The following FSTL4 variants were observed in gnomAD, a reference collection of about 807,000 sequenced individuals.
The protein encoded by FSTL4 is follistatin-related protein 4.
FSTL4 carries 28 observed loss-of-function variants against 78.2 expected under a neutral mutation model. The observed-to-expected ratio is 0.36, with a 90% CI of 0.27 to 0.49. FSTL4 has a LOEUF of 0.49. Ranked by LOEUF, FSTL4 falls within the 20% of genes least tolerant of loss-of-function variation. The pLI, the probability that FSTL4 is intolerant of heterozygous loss-of-function variation, is 0.98. For missense variants in FSTL4, 922 were observed against 1,084.9 expected (o/e 0.85, Z 2.11); for synonymous variants, 422 against 440.5 (o/e 0.96, Z 0.53).
chr5:133,661,815 T>C, the FSTL4 span, among the ~76,000 whole-genome samples: 20 of 152,242 alleles, frequency 1.3e-4, no homozygotes, highest in Non-Finnish European at 2.1e-4. Flanking sequence ...ACAGATTCTT[T>C]ACAAACTTCT....
chr5:133,342,610 T>C (rs1201528431), intron 4 of FSTL4, among the ~76,000 whole-genome samples: 1 of 152,164 alleles, frequency 6.6e-6, no homozygotes, highest in Non-Finnish European at 1.5e-5. Flanking sequence ...GGGCCTACTA[T>C]GGACGTCCAG....
At chr5:133,529,628 C>A (rs1309146709) in intron 3 of FSTL4, among the ~76,000 whole-genome samples, 1 of 152,174 alleles carries the variant, frequency 6.6e-6, no homozygotes, top group Non-Finnish European at 1.5e-5. Context: ...TTAGACAACA[C>A]TGCCTCCCTG....
chr5:133,451,223 C>T (rs75453874), intron 3 of FSTL4, among the ~76,000 whole-genome samples: 2,847 of 152,240 alleles, frequency 0.019, 42 homozygotes, highest in Middle Eastern at 0.034. Context: ...GTTTCCCTTC[C>T]AATCAGGAAG....
At chr5:133,234,820 G>A (rs1265854358) in intron 7 of FSTL4, among the ~76,000 whole-genome samples, 3 of 152,202 alleles carry the variant, frequency 2.0e-5, no homozygotes, top group Non-Finnish European at 4.4e-5. Context: ...TGCCTTATGT[G>A]GTGTTGGGAG....
chr5:133,482,661 G>A (rs1021760722), intron 3 of FSTL4, among the ~76,000 whole-genome samples: 1 of 152,228 alleles, frequency 6.6e-6, no homozygotes, highest in African/African-American at 2.4e-5. Flanking sequence ...AGGTGGCAGG[G>A]GCTGTCTCAC....
At chr5:133,794,738 C>T in the FSTL4 span, among the ~76,000 whole-genome samples, 1 of 152,174 alleles carries the variant, frequency 6.6e-6, no homozygotes, top group African/African-American at 2.4e-5. Context: ...CTAATGACTG[C>T]AAGACTCCCA....
At chr5:133,297,216 G>T (rs536934704) in intron 6 of FSTL4, among the ~76,000 whole-genome samples, 1 of 152,278 alleles carries the variant, frequency 6.6e-6, no homozygotes, top group Admixed American at 6.5e-5. Context: ...CGTATTAATT[G>T]GTTATTACAA....
At chr5:133,725,854 T>G in the FSTL4 span, among the ~76,000 whole-genome samples, 3 of 152,184 alleles carry the variant, frequency 2.0e-5, no homozygotes. Flanking sequence ...TTGTTGAAAC[T>G]AGGGACTCAG....
At chr5:133,453,153 T>C (rs1757415741) in intron 3 of FSTL4, among the ~76,000 whole-genome samples, 1 of 152,184 alleles carries the variant, frequency 6.6e-6, no homozygotes, top group Non-Finnish European at 1.5e-5. Context: ...ATGTCACTCT[T>C]CTTCTACATC....
chr5:133,835,775 A>G, the FSTL4 span, among the ~76,000 whole-genome samples: 1 of 152,254 alleles, frequency 6.6e-6, no homozygotes, highest in Admixed American at 6.5e-5. Flanking sequence ...TGGGAGAAAA[A>G]GTTGGGAAAA....
chr5:133,199,711 T>C lies in FSTL4; in HGVS notation c.1913A>G (p.His638Arg). ...GGCCTGGGGCACGCAGCCATGGTGG[T>C]GCAGGCCGATGGTCTTGAGGGGCAT... ...TMMPLKTIGLHHHGCVPQAMA... is the reference protein window; with the variant it reads ...TMMPLKTIGLRHHGCVPQAMA... Residue 638 changes from histidine to arginine, a missense_variant, in exon 16 of 16, where the codon CAC (histidine) becomes CGC (arginine). Transcript: ENST00000265342. This position sits in a 1 kb window ranked among gnomAD's most constrained non-coding sequence, Gnocchi z 4.4. 1 of 1,612,686 alleles carries C rather than the reference T, an allele frequency of 6.2e-7. No individual in the cohort carries two copies. The highest frequency in any genetic ancestry group is 1.1e-5 in the South Asian group (1 of 90,830).
At chr5:133,244,466 A>T (rs148729736) in intron 7 of FSTL4, 1 of 152,280 alleles carries the variant, frequency 6.6e-6, no homozygotes, top group East Asian at 1.9e-4. Context: ...CAGTAACGAA[A>T]CCCACAGTCA....
At chr5:133,210,805 T>C (rs987357518) in intron 13 of FSTL4, 1 of 152,150 alleles carries the variant, frequency 6.6e-6, no homozygotes, top group African/African-American at 2.4e-5. Context: ...GGCATAAAAT[T>C]AGTGGTCAAT....
At chr5:133,752,937 G>A in the FSTL4 span, among the ~76,000 whole-genome samples, 1 of 152,064 alleles carries the variant, frequency 6.6e-6, no homozygotes, top group East Asian at 1.9e-4. Flanking sequence ...TGTGAATGTG[G>A]ATTTTCAAGA....
At chr5:133,442,852 GATCT>G (rs1757186976) in intron 3 of FSTL4, among the ~76,000 whole-genome samples, 1 of 152,134 alleles carries the variant, frequency 6.6e-6, no homozygotes, top group Non-Finnish European at 1.5e-5. Context: ...CTTTATACCT[GATCT>G]ATCTGTTTCA....
the FSTL4 span, among the ~76,000 whole-genome samples, chr5:133,636,117 G>T: frequency 2.0e-5 from 3 of 152,178 alleles, no homozygotes; most frequent in African/African-American, 7.2e-5. Flanking sequence ...TTAAGGGGTT[G>T]TTAGGACAAA....
rs527802306 is a variant in FSTL4, at chr5:133,397,476, C to T, written c.409+3262G>A. Among the ~76,000 whole-genome samples, 35 of 152,308 alleles carry T rather than the reference C, an allele frequency of 2.3e-4. No homozygotes were observed. The South Asian group carries it at 6.4e-3, about 28-fold the overall frequency. On this transcript the variant is annotated intron_variant, in intron 4 of 15. Coordinates refer to ENST00000265342, the MANE Select transcript of FSTL4 (RefSeq NM_015082.2). ...TGATTTCCCGTACATGCTAATGATC[C>T]CTAAATGATATATTTCATTTTATAT...
chr5:133,554,708 G>A (rs1344305118), intron 3 of FSTL4, among the ~76,000 whole-genome samples: 1 of 152,178 alleles, frequency 6.6e-6, no homozygotes, highest in East Asian at 1.9e-4. Context: ...CTGTCACCTT[G>A]TAGTTTAAAT....
intron 15 of FSTL4, 92 bp downstream of exon 15, chr5:133,201,841 G>T: frequency 1.4e-6 from 1 of 696,846 alleles, no homozygotes; most frequent in Non-Finnish European, 2.5e-6. Flanking sequence ...AGGAGACAGA[G>T]AAATGAGCAG....
Sources: allele counts gnomAD v4.1 joint callset (sites outside exome capture counted in the v4.1 genomes callset), GRCh38; gene constraint gnomAD v4.1.1; non-coding constraint Gnocchi (gnomAD v3.1); transcripts MANE v1.5; gene names NCBI Gene and HGNC (gene_info 2026-07-23, HGNC 2026-07-21).